The following RASSF8 variants were observed in gnomAD, a reference collection of about 807,000 sequenced individuals.
RASSF8 encodes the protein Ras association domain family member 8, also known as ras association domain-containing protein 8.
RASSF8 carries 22 observed loss-of-function variants against 48.5 expected under a neutral mutation model. The ratio of observed to expected loss-of-function variants is 0.45; its 90% CI spans 0.32 to 0.65. RASSF8 has a LOEUF of 0.65. Among genes scored for constraint, RASSF8 ranks in the 30% least tolerant of loss-of-function variants. RASSF8 has a pLI of 0.03. For missense variants in RASSF8, 418 were observed against 489.2 expected (o/e 0.85, Z 1.37); for synonymous variants, 127 against 171.5 (o/e 0.74, Z 2.03).
At chr12:26,036,516 G>T (rs1386086751) in intron 2 of RASSF8, among the ~76,000 whole-genome samples, 1 of 151,944 alleles carries the variant, frequency 6.6e-6, no homozygotes, top group South Asian at 2.1e-4. Context: ...TTTAATGTAA[G>T]ATGTCCTAAT....
rs370056873 is a variant in RASSF8 at position 26,011,113 on chromosome 12, CA to C, written c.-109+15984del. On this transcript the variant is annotated intron_variant, in intron 2 of 5. Coordinates refer to ENST00000689635, the MANE Select transcript of RASSF8 (RefSeq NM_001394098.1). ...GTCCATCTTTGTACATTAGAAACCACAGGAACCCTTACAGGAACGTCTACAG... is the reference window on the plus strand; with the variant it reads ...GTCCATCTTTGTACATTAGAAACCACGGAACCCTTACAGGAACGTCTACAG... 7.2e-5 allele frequency among the ~76,000 whole-genome samples: 11 copies of C among 152,326 alleles called. 1 individual carries two copies. Among genetic ancestry groups the C allele is most frequent in the African/African-American group, 2.6e-4 (11 of 41,576 alleles).
At position 26,071,559 on chromosome 12, in the gene RASSF8, T is replaced by C. The variant is rs996030892; in HGVS notation, c.*2741T>C. 4.3e-5 allele frequency: 42 copies of C among 980,530 alleles called. No homozygotes were observed. The African/African-American group carries it at 6.8e-4, about 16-fold the overall frequency. 60.7% of individuals were successfully genotyped at this position (980,530 alleles called of 1,614,324 possible). A position where few individuals can be genotyped will look rare whatever the true frequency, so the allele number is the denominator to read the frequency against. On this transcript the variant is annotated 3_prime_UTR_variant, in exon 6 of 6. Transcript: ENST00000689635. ...TCTGTCATCCTCAGAGAATGGCCCA[T>C]AGTGTGTTGCCTGTGGACATAGTGT...
intron 2 of RASSF8, among the ~76,000 whole-genome samples, chr12:26,035,622 A>G (rs1402796410): frequency 1.4e-5 from 2 of 144,272 alleles, no homozygotes; most frequent in South Asian, 2.1e-4. Flanking sequence ...ATAATTTTAT[A>G]TAATTATATA....
intron 2 of RASSF8, among the ~76,000 whole-genome samples, chr12:26,019,563 CTGTGTGTGTGTGTGTGTGTGTGTG>C (rs56895234): frequency 6.7e-6 from 1 of 148,200 alleles, no homozygotes; most frequent in Non-Finnish European, 1.5e-5. Flanking sequence ...CGGGCATACA[CTGTGTGTGTGTGTGTGTGTGTGTG>C]TGTGTGTGTG....
rs1943945047 is a variant in RASSF8 at position 26,069,045 on chromosome 12, T to TAATG, written c.*228_*231dup. The TAATG allele has an allele frequency of 2.5e-6, 3 of 1,211,906 alleles. No individual in the cohort carries two copies. The African/African-American group carries it at 4.7e-5, about 19-fold the overall frequency. 75.1% of individuals were successfully genotyped at this position (1,211,906 alleles called of 1,614,324 possible). On this transcript the variant is annotated 3_prime_UTR_variant, in exon 6 of 6. Coordinates refer to ENST00000689635, the MANE Select transcript of RASSF8 (RefSeq NM_001394098.1). ...TGTTGATATTTTTGTCCAGCAGCTA[T>TAATG]AATGCAAAGCCTTCGTTTTTATTTG...
Position 26,064,643 on chromosome 12 carries a change from T to C in RASSF8, c.249T>C (p.Ser83=). ...TCATTCTACGACGAACTGGGCCGTC[T>C]CTCAGTGAGCGACCCACTTCAGACA... is the stretch of plus-strand genomic sequence containing the variant. The part of the protein sequence containing the change: ...VQLILRRTGP[S]LSERPTSDSV... Residue 83 remains serine, a synonymous_variant, in exon 4 of 6, where the codon TCT becomes TCC. Transcript: ENST00000689635. 6.2e-7 allele frequency: 1 copy of C among 1,614,166 alleles called. No individual in the cohort carries two copies. The highest frequency in any genetic ancestry group is 8.5e-7 in the Non-Finnish European group (1 of 1,180,018).
intron 2 of RASSF8, among the ~76,000 whole-genome samples, chr12:26,017,837 A>G (rs1592271656): frequency 6.6e-6 from 1 of 152,252 alleles, no homozygotes; most frequent in Admixed American, 6.5e-5. Context: ...TGGAGTGACT[A>G]TCTAGGAAAA....
At chr12:26,051,726 T>C (rs1943494935) in intron 2 of RASSF8, among the ~76,000 whole-genome samples, 1 of 152,174 alleles carries the variant, frequency 6.6e-6, no homozygotes. Context: ...GCTTTAACAT[T>C]GCATATGGTT....
intron 1 of RASSF8, among the ~76,000 whole-genome samples, chr12:25,965,398 C>T (rs1312602826): frequency 2.2e-5 from 3 of 133,668 alleles, no homozygotes; most frequent in African/African-American, 8.4e-5. Context: ...CAGGGTCTTG[C>T]TCTGTTGCCC....
At chr12:26,073,549 C>T (rs1199024284), downstream of RASSF8, among the ~76,000 whole-genome samples, 1 of 152,032 alleles carries the variant, frequency 6.6e-6, no homozygotes, top group Non-Finnish European at 1.5e-5. Context: ...CCAGCCTGGC[C>T]AACGTGGCGA....
rs140520019 is a variant in RASSF8 at position 26,043,162 on chromosome 12, C to G, written c.-108-12074C>G. 5.4e-3 allele frequency among the ~76,000 whole-genome samples: 815 copies of G among 152,268 alleles called. 7 individuals are homozygous for G. Among genetic ancestry groups the G allele is most frequent in the African/African-American group, 0.019 (778 of 41,552 alleles). ...GCCAGATAACCACTTTGATATGAAA[C>G]AAAACTACCTAATGCTTTGAAAGCA... is the stretch of plus-strand genomic sequence containing the variant. On this transcript the variant is annotated intron_variant, in intron 2 of 5. Transcript: ENST00000689635.
chr12:26,038,608 A>AAC (rs57536643), intron 2 of RASSF8, among the ~76,000 whole-genome samples: 5,262 of 144,844 alleles, frequency 0.036, 109 homozygotes, highest in Admixed American at 0.043. Context: ...TTCTTATTAA[A>AAC]ACACACACAC....
downstream of RASSF8, among the ~76,000 whole-genome samples, chr12:26,074,510 A>ATT (rs79590266): frequency 2.8e-5 from 4 of 144,646 alleles, no homozygotes; most frequent in Non-Finnish European, 6.1e-5. Context: ...GCCCAGCCAA[A>ATT]TTTTTTTTTT....
At chr12:26,011,020 G>T (rs1270924781) in intron 2 of RASSF8, among the ~76,000 whole-genome samples, 1 of 152,128 alleles carries the variant, frequency 6.6e-6, no homozygotes, top group East Asian at 1.9e-4. Context: ...CACTCACCTT[G>T]TTAATTAATC....
intron 5 of RASSF8, among the ~76,000 whole-genome samples, chr12:26,068,202 G>GT (rs1283452897): frequency 6.6e-6 from 1 of 152,024 alleles, no homozygotes; most frequent in African/African-American, 2.4e-5. Context: ...AGGAAAACCA[G>GT]TAACATTTAG....
intron 2 of RASSF8, among the ~76,000 whole-genome samples, chr12:26,050,025 T>C (rs986296036): frequency 2.6e-5 from 4 of 152,182 alleles, no homozygotes; most frequent in Non-Finnish European, 4.4e-5. Flanking sequence ...CCTCGTGATC[T>C]GCCCGCCTCG....
chr12:25,981,524 A>G (rs1344396057), intron 1 of RASSF8, among the ~76,000 whole-genome samples: 1 of 152,186 alleles, frequency 6.6e-6, no homozygotes, highest in East Asian at 1.9e-4. Flanking sequence ...TGGAATATTC[A>G]GGTGCTTCTG....
Position 26,071,731 on chromosome 12 carries a change from G to T in RASSF8, c.*2913G>T. On this transcript the variant is annotated 3_prime_UTR_variant, in exon 6 of 6. Transcript: ENST00000689635. ...TTTAATTCTCCCAGTCATCAATGAG[G>T]TAATCATCAATTCCTATAGTTCAAA... 1 of 983,576 alleles carries T rather than the reference G, an allele frequency of 1.0e-6. No individual in the cohort carries two copies. The highest frequency in any genetic ancestry group is 4.7e-5 in the South Asian group (1 of 21,244). The allele number at this position is 983,576 out of a possible 1,614,324, so 60.9% of individuals were successfully genotyped here. A position where few individuals can be genotyped will look rare whatever the true frequency, so the allele number is the denominator to read the frequency against.
intron 2 of RASSF8, among the ~76,000 whole-genome samples, chr12:26,028,393 T>C (rs1942961210): frequency 1.3e-5 from 2 of 152,236 alleles, no homozygotes; most frequent in East Asian, 3.8e-4. Flanking sequence ...TCTAACCAAG[T>C]ATTTCACAAA....
Sources: allele counts gnomAD v4.1 joint callset (sites outside exome capture counted in the v4.1 genomes callset), GRCh38; gene constraint gnomAD v4.1.1; transcripts MANE v1.5; gene names NCBI Gene and HGNC (gene_info 2026-07-23, HGNC 2026-07-21).